The following DENND4A variants were observed in gnomAD, a reference collection of about 807,000 sequenced individuals.
The protein encoded by DENND4A is DENN domain containing 4A.
Under a neutral mutation model 199.3 loss-of-function variants are expected in DENND4A, and 70 were observed. The ratio of observed to expected loss-of-function variants is 0.35; its 90% CI spans 0.29 to 0.43. The LOEUF (loss-of-function observed/expected upper bound fraction) is 0.43, where lower values mean the gene tolerates loss of function less well. Ranked by LOEUF, DENND4A falls within the 20% of genes least tolerant of loss-of-function variation. The pLI, the probability that DENND4A is intolerant of heterozygous loss-of-function variation, is 1.00. For synonymous variants in DENND4A, 686 were observed against 766.9 expected (o/e 0.89, Z 1.74); for missense variants, 1,723 against 2,255.8 (o/e 0.76, Z 4.78).
In DENND4A at chr15:65,756,219, T is replaced by A. The variant is rs776426929; in HGVS notation, c.232A>T (p.Asn78Tyr). ...VTPTGLSADL[N>Y]NGSLVGPQIY... ...TGTGGCCCCACAAGACTTCCATTAT[T>A]AAGATCAGCTGACAATCCAGTTGGG... The change falls in exon 3 of 33, where the codon AAT (asparagine) becomes TAT (tyrosine). Residue 78 changes from asparagine (N) to tyrosine (Y), a missense_variant. Physicochemically the swap from Asn to Tyr is moderately radical, Grantham distance 143 (BLOSUM62 -2). Around this residue, in one of 6 missense-constraint regions of DENND4A, gnomAD observed 725 missense variants for 952.9 expected, o/e 0.76. Transcript: ENST00000443035. The A allele has an allele frequency of 1.9e-6, 3 of 1,611,990 alleles. No homozygotes were observed. The African/African-American group carries it at 4.0e-5, about 22-fold the overall frequency.
chr15:65,727,209 T>G (rs1024499758), intron 11 of DENND4A, among the ~76,000 whole-genome samples: 24 of 151,636 alleles, frequency 1.6e-4, no homozygotes, highest in African/African-American at 5.3e-4. Context: ...TCTCAGCACT[T>G]TGGGAGGCTG....
At chr15:65,790,404 A>AATTG (rs2141034339) in intron 1 of DENND4A, among the ~76,000 whole-genome samples, 1 of 152,354 alleles carries the variant, frequency 6.6e-6, no homozygotes, top group Non-Finnish European at 1.5e-5. Flanking sequence ...GACTGGTATC[A>AATTG]AGATCAATTA....
At position 65,661,890 on chromosome 15, in the gene DENND4A, CACCCCTGT is replaced by C; in HGVS notation, c.5677_5684del (p.Thr1893AspfsTer27). On this transcript the variant is annotated frameshift_variant, in exon 33 of 33. Transcript: ENST00000443035. LOFTEE classifies it high-confidence loss of function. ...CTCCAAAGGTTTTTCGACATTCCAT[CACCCCTGT>C]ACTTGGTGGTCTATCACAGTTGTGT... 6.2e-7 allele frequency: 1 copy of C among 1,611,704 alleles called. No individual in the cohort carries two copies. The highest frequency in any genetic ancestry group is 8.5e-7 in the Non-Finnish European group (1 of 1,178,726).
At position 65,665,338 on chromosome 15, in the gene DENND4A, C is replaced by T; in HGVS notation, c.5359+7G>A. On this transcript the variant is annotated splice_region_variant and intron_variant, in intron 30 of 32. Transcript: ENST00000443035. ...GAACAAAGTCAGCATTCTATGATGG[C>T]ACTTACTGTGTGCATTCCAGAGAAT... The T allele has an allele frequency of 1.2e-6, 2 of 1,607,234 alleles. No homozygotes were observed. Among genetic ancestry groups the T allele is most frequent in the Non-Finnish European group, 1.7e-6 (2 of 1,174,314 alleles).
chr15:65,752,358 C>G, intron 4 of DENND4A, 21 bp downstream of exon 4: 1 of 1,335,930 alleles, frequency 7.5e-7, no homozygotes, highest in Non-Finnish European at 9.9e-7. Context: ...TTAATGTTAC[C>G]AGTGCAAGTA....
At chr15:65,779,903 A>T (rs2140956160) in intron 1 of DENND4A, among the ~76,000 whole-genome samples, 1 of 151,192 alleles carries the variant, frequency 6.6e-6, no homozygotes, top group Admixed American at 6.6e-5. Context: ...GACTTTATTT[A>T]TTTATTTATT....
chr15:65,684,875 C>T (rs1470683100), intron 23 of DENND4A, among the ~76,000 whole-genome samples: 2 of 137,610 alleles, frequency 1.5e-5, no homozygotes, highest in Non-Finnish European at 1.5e-5. Flanking sequence ...CTGAAGCTGG[C>T]GTGCAATGGC....
At chr15:65,742,030 TAAAC>T (rs2076273796) in intron 4 of DENND4A, among the ~76,000 whole-genome samples, 1 of 152,218 alleles carries the variant, frequency 6.6e-6, no homozygotes. Context: ...TTGACTCTTT[TAAAC>T]AAAGCTAAGT....
intron 1 of DENND4A, among the ~76,000 whole-genome samples, chr15:65,790,408 T>A (rs1296787873): frequency 6.6e-6 from 1 of 152,220 alleles, no homozygotes; most frequent in Admixed American, 6.5e-5. Context: ...GGTATCAAGA[T>A]CAATTAACTT....
At position 65,665,330 on chromosome 15, in the gene DENND4A, T is replaced by C; in HGVS notation, c.5359+15A>G. ...TCTCATATGAACAAAGTCAGCATTCTATGATGGCACTTACTGTGTGCATTC... is the reference window on the plus strand; with the variant it reads ...TCTCATATGAACAAAGTCAGCATTCCATGATGGCACTTACTGTGTGCATTC... On this transcript the variant is annotated intron_variant, in intron 30 of 32. Transcript: ENST00000443035. 1 of 1,601,540 alleles carries C rather than the reference T, an allele frequency of 6.2e-7. No individual in the cohort carries two copies. The highest frequency in any genetic ancestry group is 8.5e-7 in the Non-Finnish European group (1 of 1,169,836).
intron 14 of DENND4A, among the ~76,000 whole-genome samples, chr15:65,710,378 A>G (rs2075209424): frequency 6.6e-6 from 1 of 152,204 alleles, no homozygotes; most frequent in Non-Finnish European, 1.5e-5. Context: ...TATTGGCTAA[A>G]GCATGCTATT....
chr15:65,715,417 C>G (rs769044890), intron 14 of DENND4A, 61 bp downstream of exon 14: 3 of 1,448,176 alleles, frequency 2.1e-6, no homozygotes, highest in Non-Finnish European at 2.8e-6. Context: ...AACTATAACT[C>G]ATAACATTTA....
chr15:65,734,823 G>A (rs1246141359), intron 7 of DENND4A, among the ~76,000 whole-genome samples: 1 of 152,130 alleles, frequency 6.6e-6, no homozygotes, highest in African/African-American at 2.4e-5. Flanking sequence ...GGCCAGGCGC[G>A]GTAATCCCAG....
intron 1 of DENND4A, among the ~76,000 whole-genome samples, chr15:65,786,159 T>C (rs1734897941): frequency 6.6e-6 from 1 of 152,092 alleles, no homozygotes; most frequent in Non-Finnish European, 1.5e-5. Context: ...ATGTTTATAA[T>C]AGATAAAAAA....
intron 17 of DENND4A, 70 bp from the exon 18 acceptor site, chr15:65,701,960 T>C (rs2074885627): frequency 6.3e-7 from 1 of 1,590,920 alleles, no homozygotes; most frequent in Non-Finnish European, 8.6e-7. Context: ...AATAAAATAA[T>C]GCATTTTAAA....
At chr15:65,713,589 T>C (rs951616647) in intron 14 of DENND4A, among the ~76,000 whole-genome samples, 3 of 152,258 alleles carry the variant, frequency 2.0e-5, no homozygotes, top group African/African-American at 7.2e-5. Context: ...AGTTGATTGA[T>C]ATCTGTGTAC....
chr15:65,754,202 T>A (rs2076643055), intron 3 of DENND4A, among the ~76,000 whole-genome samples: 1 of 152,184 alleles, frequency 6.6e-6, no homozygotes, highest in Non-Finnish European at 1.5e-5. Flanking sequence ...AAAAAAATCT[T>A]CTCAATATTT....
chr15:65,664,507 A>G, intron 31 of DENND4A, 53 bp downstream of exon 31: 1 of 1,569,782 alleles, frequency 6.4e-7, no homozygotes, highest in African/African-American at 1.4e-5. Context: ...TACTAAGCAA[A>G]CAATATGAAT....
intron 4 of DENND4A, among the ~76,000 whole-genome samples, chr15:65,745,999 G>A (rs997722106): frequency 1.3e-5 from 2 of 151,898 alleles, no homozygotes; most frequent in African/African-American, 4.8e-5. Flanking sequence ...AAATTAGCAG[G>A]ATGTGGTGGC....
Sources: gnomAD v4.1 joint callset for allele counts (sites outside exome capture counted in the v4.1 genomes callset) on GRCh38, gnomAD v4.1.1 for gene constraint, gnomAD v4.1.1 regional missense constraint, MANE v1.5 for transcripts, NCBI Gene and HGNC (gene_info 2026-07-23, HGNC 2026-07-21) for gene names.